SMURF1: variants seen among roughly 807,000 people sequenced by gnomAD.
SMURF1 encodes SMAD specific E3 ubiquitin protein ligase 1.
Under a neutral mutation model 98.0 loss-of-function variants are expected in SMURF1, and 44 were observed. The observed-to-expected ratio is 0.45, with a 90% CI of 0.35 to 0.58. The LOEUF is 0.58. Among genes scored for constraint, SMURF1 ranks in the 20% least tolerant of loss-of-function variants. SMURF1 has a pLI of 0.00. For synonymous variants in SMURF1, 396 were observed against 374.9 expected (o/e 1.06, Z -0.65); for missense variants, 687 against 938.4 (o/e 0.73, Z 3.50).
intron 17 of SMURF1, chr7:99,030,908 C>T (rs1466077102): frequency 9.5e-6 from 4 of 419,092 alleles, no homozygotes; most frequent in Non-Finnish European, 1.7e-5. Flanking sequence ...CTAGGTTGCC[C>T]AGGCTGCTCT....
rs773161032 is a variant in SMURF1, at chr7:99,143,793, A to T, written c.-13T>A. On this transcript the variant is annotated 5_prime_UTR_variant, in exon 1 of 18. Transcript: ENST00000361368. Reference sequence around the variant, plus strand: ...CGGGGTTCGACATCTCCCGCCAACGATCGGGCAGCCGCGGATCCAGCGCCA... The same window carrying T: ...CGGGGTTCGACATCTCCCGCCAACGTTCGGGCAGCCGCGGATCCAGCGCCA... The T allele has an allele frequency of 6.5e-7, 1 of 1,543,804 alleles. No homozygotes were observed. Among genetic ancestry groups the T allele is most frequent in the Admixed American group, 1.9e-5 (1 of 52,520 alleles).
chr7:99,071,593 C>G (rs918018080), intron 1 of SMURF1, among the ~76,000 whole-genome samples: 2 of 152,156 alleles, frequency 1.3e-5, no homozygotes, highest in African/African-American at 4.8e-5. Context: ...GAAGACAGGT[C>G]GCACACAGGA....
chr7:99,056,834 C>G (rs563527478), intron 5 of SMURF1, among the ~76,000 whole-genome samples: 1 of 152,018 alleles, frequency 6.6e-6, no homozygotes, highest in Non-Finnish European at 1.5e-5. Flanking sequence ...GAAACTCCGC[C>G]TCTACTAAAA....
chr7:99,122,435 G>C (rs186187549), intron 1 of SMURF1, among the ~76,000 whole-genome samples: 1 of 151,030 alleles, frequency 6.6e-6, no homozygotes, highest in East Asian at 2.0e-4. Context: ...CCCAAGGTCA[G>C]GAGTTCAAGA....
At chr7:99,108,318 A>G (rs1797237274) in intron 1 of SMURF1, among the ~76,000 whole-genome samples, 2 of 151,566 alleles carry the variant, frequency 1.3e-5, no homozygotes, top group South Asian at 4.2e-4. Flanking sequence ...CCTGGGTTCA[A>G]GCAATTCTCA....
At chr7:99,095,420 A>G (rs1239074295) in intron 1 of SMURF1, among the ~76,000 whole-genome samples, 1 of 152,156 alleles carries the variant, frequency 6.6e-6, no homozygotes. Context: ...AGCAACATCC[A>G]GCCACACTGA....
At chr7:99,112,997 A>AT (rs972864271) in intron 1 of SMURF1, among the ~76,000 whole-genome samples, 3 of 151,616 alleles carry the variant, frequency 2.0e-5, no homozygotes, top group Non-Finnish European at 2.9e-5. Flanking sequence ...ATAAAAAAAA[A>AT]TTTTTTTTAA....
chr7:99,117,510 G>A (rs1021328177), intron 1 of SMURF1, among the ~76,000 whole-genome samples: 1 of 151,482 alleles, frequency 6.6e-6, no homozygotes, highest in Admixed American at 6.6e-5. Flanking sequence ...CACCACACTT[G>A]GCTAATTTTT....
At chr7:99,093,126 C>A in intron 1 of SMURF1, among the ~76,000 whole-genome samples, 1 of 152,114 alleles carries the variant, frequency 6.6e-6, no homozygotes, top group Non-Finnish European at 1.5e-5. Flanking sequence ...TGTAGCATTG[C>A]AATAATCTCA....
At chr7:99,132,851 G>A (rs755926347) in intron 1 of SMURF1, among the ~76,000 whole-genome samples, 3 of 152,082 alleles carry the variant, frequency 2.0e-5, no homozygotes, top group Non-Finnish European at 2.9e-5. Context: ...GATCACAGAG[G>A]GAGTTTGATT....
intron 1 of SMURF1, among the ~76,000 whole-genome samples, chr7:99,083,267 T>C (rs1796608882): frequency 6.6e-6 from 1 of 152,206 alleles, no homozygotes; most frequent in Admixed American, 6.5e-5. Context: ...CCTTGTTAAC[T>C]AGATAAAACA....
At chr7:99,128,893 A>C (rs1309068702) in intron 1 of SMURF1, among the ~76,000 whole-genome samples, 1 of 152,254 alleles carries the variant, frequency 6.6e-6, no homozygotes, top group East Asian at 1.9e-4. Context: ...TGCCAAGCCA[A>C]TCTTAGGTGT....
rs1796388729 is a variant in SMURF1, at chr7:99,073,754, A to T, written c.56-11917T>A. 2.0e-5 allele frequency among the ~76,000 whole-genome samples: 3 copies of T among 151,416 alleles called. No individual in the cohort carries two copies. The South Asian group carries it at 6.3e-4, about 32-fold the overall frequency. ...GCACTCCAGCCTGGGTGACAGAGTG[A>T]GATTCCATCTCAAAAAAAAAAAAAA... On this transcript the variant is annotated intron_variant, in intron 1 of 17. Coordinates refer to ENST00000361368, the MANE Select transcript of SMURF1 (RefSeq NM_181349.3).
rs1007346711 is a variant in SMURF1, at chr7:99,028,231, T to C, written c.*2353A>G. ...GAAGCTTTTACCATTTGCTTTGCCA[T>C]GTTGAGTTCTTTGGGGTGGTTCAAA... On this transcript the variant is annotated 3_prime_UTR_variant, in exon 18 of 18. Transcript: ENST00000361368. The C allele has an allele frequency of 3.3e-5, 5 of 152,422 alleles. No individual in the cohort carries two copies. The highest frequency in any genetic ancestry group is 1.3e-4 in the Admixed American group (2 of 15,232). 9.4% of individuals were successfully genotyped at this position (152,422 alleles called of 1,614,324 possible). A position where few individuals can be genotyped will look rare whatever the true frequency, so the allele number is the denominator to read the frequency against.
chr7:99,107,688 A>G (rs1020367822), intron 1 of SMURF1, among the ~76,000 whole-genome samples: 6 of 152,206 alleles, frequency 3.9e-5, no homozygotes, highest in African/African-American at 1.4e-4. Flanking sequence ...ACTAAACAGC[A>G]TACAGTTACA....
intron 12 of SMURF1, among the ~76,000 whole-genome samples, chr7:99,040,919 G>A (rs73399215): frequency 0.027 from 4,116 of 152,142 alleles, 193 homozygotes; most frequent in African/African-American, 0.094. Flanking sequence ...TGCTGGACGC[G>A]CACCCAGGAA....
intron 1 of SMURF1, among the ~76,000 whole-genome samples, chr7:99,108,933 T>C (rs1192546762): frequency 6.6e-6 from 1 of 152,148 alleles, no homozygotes; most frequent in Non-Finnish European, 1.5e-5. Flanking sequence ...TTGAAAGTCA[T>C]TCTGTACACC....
At chr7:99,054,304 G>GTTGT (rs775397741) in intron 6 of SMURF1, among the ~76,000 whole-genome samples, 5 of 151,928 alleles carry the variant, frequency 3.3e-5, no homozygotes, top group Admixed American at 2.0e-4. Context: ...CACAACCCCA[G>GTTGT]TTGTTTGTTT....
intron 1 of SMURF1, among the ~76,000 whole-genome samples, chr7:99,063,556 C>T (rs1470075786): frequency 6.6e-6 from 1 of 150,960 alleles, no homozygotes; most frequent in African/African-American, 2.4e-5. Context: ...CCACAAAGTG[C>T]TGGGATTATA....
Sources: gnomAD v4.1 joint callset for allele counts (sites outside exome capture counted in the v4.1 genomes callset) on GRCh38, gnomAD v4.1.1 for gene constraint, MANE v1.5 for transcripts, NCBI Gene and HGNC (gene_info 2026-07-23, HGNC 2026-07-21) for gene names.